IARS1: variants seen among roughly 807,000 people sequenced by gnomAD.
The protein encoded by IARS1 is isoleucine--tRNA ligase, cytoplasmic.
In IARS1, 124 loss-of-function variants were observed where a neutral mutation model predicts 168.2. The ratio of observed to expected loss-of-function variants is 0.74; its 90% CI spans 0.64 to 0.86. The LOEUF (loss-of-function observed/expected upper bound fraction) is 0.86, where lower values mean the gene tolerates loss of function less well. Ranked by LOEUF, IARS1 falls within the 40% of genes least tolerant of loss-of-function variation. The pLI, the probability that IARS1 is intolerant of heterozygous loss-of-function variation, is 0.00. For missense variants in IARS1, 1,452 were observed against 1,515.8 expected (o/e 0.96, Z 0.70); for synonymous variants, 532 against 529.4 (o/e 1.00, Z -0.07).
chr9:92,268,067 A>C, intron 14 of IARS1, 107 bp downstream of exon 14: 2 of 1,172,052 alleles, frequency 1.7e-6, no homozygotes, highest in South Asian at 3.5e-5. Context: ...AGATGAAATA[A>C]GAAAGGGGCA....
intron 14 of IARS1, among the ~76,000 whole-genome samples, chr9:92,267,017 T>C (rs1832376231): frequency 1.3e-5 from 2 of 152,376 alleles, no homozygotes; most frequent in South Asian, 4.1e-4. Context: ...TATCATAATC[T>C]TGTGGGACCA....
At chr9:92,253,524 AC>A (rs1830303418) in intron 20 of IARS1, 71 bp from the exon 21 acceptor site, 1 of 956,296 alleles carries the variant, frequency 1.0e-6, no homozygotes, top group Non-Finnish European at 1.7e-6. Flanking sequence ...AGGGTTGGAT[AC>A]AACAAAGAAG....
intron 10 of IARS1, among the ~76,000 whole-genome samples, chr9:92,273,431 G>A (rs1271502105): frequency 2.0e-5 from 3 of 152,164 alleles, no homozygotes; most frequent in Non-Finnish European, 4.4e-5. Flanking sequence ...AAGACATGAG[G>A]ATGAGGATTT....
At chr9:92,278,799 T>C (rs533429042) in intron 7 of IARS1, among the ~76,000 whole-genome samples, 210 of 152,322 alleles carry the variant, frequency 1.4e-3, no homozygotes, top group African/African-American at 4.6e-3. Flanking sequence ...CTTCCATGTA[T>C]TAGCACATAC....
At chr9:92,288,415 T>A in intron 2 of IARS1, 133 bp from the exon 3 acceptor site, 1 of 750,406 alleles carries the variant, frequency 1.3e-6, no homozygotes, top group Non-Finnish European at 2.3e-6. Context: ...ACAGACATAA[T>A]TGATTTGATA....
intron 4 of IARS1, 71 bp downstream of exon 4, chr9:92,287,720 C>A: frequency 6.7e-7 from 1 of 1,500,148 alleles, no homozygotes; most frequent in Non-Finnish European, 9.0e-7. Context: ...GCACAAGGGA[C>A]CATAAACCAT....
chr9:92,210,805 T>C lies in IARS1; in HGVS notation c.*2A>G, dbSNP rs778376397. The C allele has an allele frequency of 3.1e-6, 5 of 1,590,676 alleles. No homozygotes were observed. The Admixed American group carries it at 5.0e-5, about 16-fold the overall frequency. On this transcript the variant is annotated 3_prime_UTR_variant, in exon 34 of 34. Coordinates refer to ENST00000443024, the MANE Select transcript of IARS1 (RefSeq NM_002161.6). The stretch of plus-strand genomic sequence containing the variant: ...TGACCGAACAACATTGATAAGTACA[T>C]GCTAGAAGTCTGCTGTTGTTGGTAA...
chr9:92,260,016 C>A (rs1159867770), intron 18 of IARS1, 135 bp downstream of exon 18: 2 of 648,356 alleles, frequency 3.1e-6, no homozygotes, highest in Non-Finnish European at 5.5e-6. Flanking sequence ...ACCATACCAA[C>A]ATAACATCCA....
At chr9:92,228,382 C>G (rs1365245854) in intron 31 of IARS1, among the ~76,000 whole-genome samples, 1 of 151,872 alleles carries the variant, frequency 6.6e-6, no homozygotes, top group African/African-American at 2.4e-5. Flanking sequence ...ATTGAGAATC[C>G]AGACTTAGTG....
chr9:92,270,554 G>A (rs1832874522), intron 12 of IARS1, among the ~76,000 whole-genome samples: 2 of 152,100 alleles, frequency 1.3e-5, no homozygotes, highest in Admixed American at 1.3e-4. Flanking sequence ...CAGCACTTTG[G>A]GAGGACAAGG....
At chr9:92,261,941 G>C (rs1047319996) in intron 17 of IARS1, among the ~76,000 whole-genome samples, 4 of 151,864 alleles carry the variant, frequency 2.6e-5, no homozygotes, top group Non-Finnish European at 5.9e-5. Context: ...TAGAGACGGG[G>C]GTTTTATCAA....
At chr9:92,236,151 T>G (rs1027039362) in intron 30 of IARS1, among the ~76,000 whole-genome samples, 3 of 151,966 alleles carry the variant, frequency 2.0e-5, no homozygotes, top group Admixed American at 6.6e-5. Flanking sequence ...GCTTGGCTAA[T>G]TTTTGTATTT....
chr9:92,251,665 A>G (rs1383348542), intron 22 of IARS1, 143 bp downstream of exon 22: 1 of 614,236 alleles, frequency 1.6e-6, no homozygotes, highest in Non-Finnish European at 2.9e-6. Flanking sequence ...ATAAGGAACT[A>G]GAGCTATAAG....
chr9:92,216,927 T>TA (rs1317872192), intron 33 of IARS1, among the ~76,000 whole-genome samples: 2 of 151,212 alleles, frequency 1.3e-5, no homozygotes, highest in Non-Finnish European at 3.0e-5. Flanking sequence ...GCGGACCTAG[T>TA]AGACATCTAC....
chr9:92,215,870 T>C (rs1838589736), intron 33 of IARS1, among the ~76,000 whole-genome samples: 1 of 152,136 alleles, frequency 6.6e-6, no homozygotes, highest in Non-Finnish European at 1.5e-5. Context: ...CCAGGAGAAC[T>C]TCCCCTATCT....
chr9:92,240,585 G>T (rs1411198003), intron 30 of IARS1: 19 of 659,918 alleles, frequency 2.9e-5, no homozygotes, highest in Non-Finnish European at 3.9e-5. Flanking sequence ...ATTGAGGCAG[G>T]ATCTTATTAT....
Position 92,240,932 on chromosome 9 carries a change from G to A in IARS1, c.3207C>T (p.Leu1069=), listed in dbSNP as rs568318028. The change falls in exon 30 of 34, where the codon CTC becomes CTT. Residue 1069 remains leucine (L), a synonymous_variant. Coordinates refer to ENST00000443024, the MANE Select transcript of IARS1 (RefSeq NM_002161.6). ...GACCAGGAAGGGAAGATCCTCTGGT[G>A]AGTGTAATTTCCAGTTCAGATCCCT... ...QLKGSELEIT[L]TRGSSLPGPA... The A allele has an allele frequency of 1.6e-5, 25 of 1,612,870 alleles. No homozygotes were observed. In the East Asian group the frequency reaches 4.7e-4, roughly 30 times the overall value.
At chr9:92,285,636 T>A in intron 6 of IARS1, 86 bp downstream of exon 6, 1 of 779,744 alleles carries the variant, frequency 1.3e-6, no homozygotes, top group South Asian at 1.6e-5. Context: ...ACACTGGGTC[T>A]ACTTGGGAAT....
chr9:92,283,395 G>T (rs1052293851), intron 6 of IARS1, among the ~76,000 whole-genome samples: 1 of 152,192 alleles, frequency 6.6e-6, no homozygotes, highest in East Asian at 1.9e-4. Context: ...AAAAATACCC[G>T]CACTTTGGGA....
Sources: allele counts gnomAD v4.1 joint callset (sites outside exome capture counted in the v4.1 genomes callset), GRCh38; gene constraint gnomAD v4.1.1; transcripts MANE v1.5; gene names NCBI Gene and HGNC (gene_info 2026-07-23, HGNC 2026-07-21).